The following RALY variants were observed in gnomAD, a reference collection of about 807,000 sequenced individuals.
The protein encoded by RALY is RNA-binding protein Raly.
A neutral mutation model predicts 30.7 loss-of-function variants in RALY; 15 were observed. The ratio of observed to expected loss-of-function variants is 0.49; its 90% CI spans 0.33 to 0.75. The LOEUF (loss-of-function observed/expected upper bound fraction) is 0.75. RALY is among the 30% of genes least tolerant of loss of function. The pLI, the probability that RALY is intolerant of heterozygous loss-of-function variation, is 0.02. For synonymous variants in RALY, 177 were observed against 170.8 expected, an observed-to-expected ratio of 1.04 and a Z score of -0.28; for missense variants, 339 against 414.3, an observed-to-expected ratio of 0.82 and a Z score of 1.58.
chr20:34,076,721 G>T lies in RALY; in HGVS notation c.564G>T (p.Gln188His), dbSNP rs1174041237. ...TCCCAGTAAAGAGCAGTGAGCTGCA[G>T]GCCATCAAGACGGAGCTGACACAGA... Reference protein sequence around the residue: ...AKIKLKSSELQAIKTELTQIK... With the variant: ...AKIKLKSSELHAIKTELTQIK... Residue 188 changes from glutamine (Q) to histidine (H), a missense_variant, in exon 7 of 10, where the codon CAG becomes CAT. Gln to His is a conservative substitution (Grantham distance 24). This residue lies in a region of RALY where 268 missense variants were observed against 280.6 expected (regional missense o/e 0.95). Transcript: ENST00000246194. The T allele has an allele frequency of 6.2e-7, 1 of 1,614,136 alleles. No homozygotes were observed.
At chr20:34,049,994 T>A (rs2033021705) in intron 2 of RALY, among the ~76,000 whole-genome samples, 1 of 152,212 alleles carries the variant, frequency 6.6e-6, no homozygotes, top group African/African-American at 2.4e-5. Flanking sequence ...GGAGCTTATT[T>A]CAGGTCTTCT....
intron 2 of RALY, among the ~76,000 whole-genome samples, chr20:34,061,813 G>T (rs1442999135): frequency 1.3e-5 from 2 of 152,214 alleles, no homozygotes; most frequent in Admixed American, 1.3e-4. Context: ...TGGTAAGTAA[G>T]CAAGTAGGTA....
intron 2 of RALY, among the ~76,000 whole-genome samples, chr20:34,041,055 T>C (rs765990907): frequency 2.0e-5 from 3 of 152,210 alleles, no homozygotes; most frequent in East Asian, 1.9e-4. Flanking sequence ...AACTCAGATA[T>C]AGAGCCCAGA....
intron 2 of RALY, among the ~76,000 whole-genome samples, chr20:34,069,128 G>T (rs999490669): frequency 1.3e-5 from 2 of 152,070 alleles, no homozygotes; most frequent in Non-Finnish European, 2.9e-5. Context: ...GCTTCTGGCT[G>T]CCCCTCCTTG....
chr20:34,052,715 A>T lies in RALY; in HGVS notation c.-9-19351A>T, dbSNP rs527614843. Among the ~76,000 whole-genome samples, 6 of 152,314 alleles carry T rather than the reference A, an allele frequency of 3.9e-5. No homozygotes were observed. In the East Asian group the frequency reaches 1.2e-3, roughly 29 times the overall value. On this transcript the variant is annotated intron_variant, in intron 2 of 9. Coordinates refer to ENST00000246194, the MANE Select transcript of RALY (RefSeq NM_016732.3). ...CTGGAAAGGTGCCCTTACCGTGCAA[A>T]GTCGAACTCTGTTCTTCCTGCTGTA... is the stretch of plus-strand genomic sequence containing the variant.
At chr20:33,997,817 A>G (rs1193147543) in intron 1 of RALY, among the ~76,000 whole-genome samples, 2 of 152,176 alleles carry the variant, frequency 1.3e-5, no homozygotes, top group Admixed American at 6.5e-5. Context: ...CCTGATAACA[A>G]CTGGGGGTTG....
chr20:34,007,304 G>A (rs1913476941), intron 1 of RALY, among the ~76,000 whole-genome samples: 1 of 151,494 alleles, frequency 6.6e-6, no homozygotes, highest in Admixed American at 6.6e-5. Context: ...GGCGGATCAC[G>A]AGGTCAAGAG....
intron 8 of RALY, 172 bp downstream of exon 8, chr20:34,077,417 G>T: frequency 4.9e-6 from 7 of 1,431,088 alleles, no homozygotes; most frequent in Non-Finnish European, 6.5e-6. Context: ...GGGGGCACTT[G>T]CCTATCTCAG....
At chr20:34,003,942 A>C (rs539577238) in intron 1 of RALY, among the ~76,000 whole-genome samples, 8 of 152,102 alleles carry the variant, frequency 5.3e-5, no homozygotes, top group African/African-American at 1.9e-4. Flanking sequence ...CCCGGCCTCC[A>C]AACAGTTTTA....
chr20:34,023,388 T>G (rs2031902257), intron 1 of RALY, among the ~76,000 whole-genome samples: 1 of 151,852 alleles, frequency 6.6e-6, no homozygotes, highest in Non-Finnish European at 1.5e-5. Context: ...GGATACCCAG[T>G]TTTGGTGGGA....
At chr20:34,003,897 C>T (rs1440106266) in intron 1 of RALY, among the ~76,000 whole-genome samples, 1 of 152,192 alleles carries the variant, frequency 6.6e-6, no homozygotes, top group Non-Finnish European at 1.5e-5. Flanking sequence ...CCTCCGCCTC[C>T]CAAAGTGCTG....
chr20:34,008,386 C>T (rs570033653), intron 1 of RALY, among the ~76,000 whole-genome samples: 83 of 152,296 alleles, frequency 5.4e-4, no homozygotes, highest in African/African-American at 1.7e-3. Context: ...TCACTCCCAA[C>T]GGCATCTGAC....
intron 1 of RALY, among the ~76,000 whole-genome samples, chr20:34,025,034 A>G (rs1034286550): frequency 5.9e-5 from 9 of 152,206 alleles, no homozygotes; most frequent in African/African-American, 1.9e-4. Flanking sequence ...GACAAGGGCT[A>G]TTTGCCCTGT....
intron 2 of RALY, among the ~76,000 whole-genome samples, chr20:34,045,100 C>T (rs1249512194): frequency 6.6e-6 from 1 of 151,950 alleles, no homozygotes; most frequent in Non-Finnish European, 1.5e-5. Flanking sequence ...TTTGTAGAGC[C>T]AGGGTCTCCC....
At chr20:33,996,172 G>A (rs1453049877) in intron 1 of RALY, among the ~76,000 whole-genome samples, 2 of 152,168 alleles carry the variant, frequency 1.3e-5, no homozygotes, top group African/African-American at 2.4e-5. Flanking sequence ...TGAGGGAATG[G>A]AGACACAGCA....
intron 1 of RALY, among the ~76,000 whole-genome samples, chr20:34,007,816 G>A (rs1187346153): frequency 9.0e-5 from 6 of 66,856 alleles, no homozygotes; most frequent in East Asian, 9.8e-4. Context: ...GCGAAACTCC[G>A]TCTCAAAAAA....
intron 2 of RALY, among the ~76,000 whole-genome samples, chr20:34,071,701 C>T (rs1455875815): frequency 2.0e-5 from 3 of 152,076 alleles, no homozygotes; most frequent in African/African-American, 4.8e-5. Context: ...TTGAGATGAG[C>T]ATTAAAGGAG....
rs762949282 is a variant in RALY, at chr20:34,077,130, G to A, written c.761G>A (p.Arg254Gln). 63 of 1,609,990 alleles carry A rather than the reference G, an allele frequency of 3.9e-5. No homozygotes were observed. The highest frequency in any genetic ancestry group is 5.0e-5 in the Non-Finnish European group (59 of 1,178,318). Reference protein sequence around the residue: ...SGGGGGGGSSRPPAPQENTTS... With the variant: ...SGGGGGGGSSQPPAPQENTTS... ...GGTGGCGGTGGCGGTGGCAGCAGCC[G>A]GCCACCAGCCCCCCAAGAGAACACA... Residue 254 changes from arginine (R) to glutamine (Q), a missense_variant, in exon 8 of 10, where the codon CGG (arginine) becomes CAG (glutamine). Transcript: ENST00000246194.
chr20:34,078,119 C>T (rs768290321), intron 8 of RALY, among the ~76,000 whole-genome samples: 1 of 152,352 alleles, frequency 6.6e-6, no homozygotes, highest in East Asian at 1.9e-4. Flanking sequence ...TTGAGCGTAG[C>T]CTGATCCTTC....
Sources: gnomAD v4.1 joint callset for allele counts (sites outside exome capture counted in the v4.1 genomes callset) on GRCh38, gnomAD v4.1.1 for gene constraint, gnomAD v4.1.1 regional missense constraint, MANE v1.5 for transcripts, NCBI Gene and HGNC (gene_info 2026-07-23, HGNC 2026-07-21) for gene names.